The following HMGB1 variants were observed in gnomAD, a reference collection of about 807,000 sequenced individuals.
HMGB1 encodes the protein high mobility group protein B1.
For missense variants in HMGB1, 79 were observed against 253.5 expected, an observed-to-expected ratio of 0.31 and a Z score of 4.67; for synonymous variants, 81 against 84.0, an observed-to-expected ratio of 0.96 and a Z score of 0.19.
intron 1 of HMGB1, among the ~76,000 whole-genome samples, chr13:30,509,660 C>T (rs74046053): frequency 0.095 from 14,512 of 152,130 alleles, 991 homozygotes; most frequent in East Asian, 0.18. Context: ...GAGTGCAAAA[C>T]TTTGGTTTTT....
At chr13:30,574,759 G>A (rs1198510269) in intron 1 of HMGB1, among the ~76,000 whole-genome samples, 1 of 152,126 alleles carries the variant, frequency 6.6e-6, no homozygotes, top group Non-Finnish European at 1.5e-5. Flanking sequence ...TTTTGTAGAG[G>A]GCTGTCCTTA....
chr13:30,519,980 C>T (rs1367338708), intron 1 of HMGB1, among the ~76,000 whole-genome samples: 1 of 152,152 alleles, frequency 6.6e-6, no homozygotes, highest in Admixed American at 6.5e-5. Context: ...CTTTTGCATA[C>T]ATAAAAAGGA....
intron 1 of HMGB1, among the ~76,000 whole-genome samples, chr13:30,530,834 C>A (rs1376608072): frequency 1.3e-5 from 2 of 151,990 alleles, no homozygotes; most frequent in Non-Finnish European, 2.9e-5. Flanking sequence ...ATTGCTTGAG[C>A]CCAGGAGTTC....
intron 1 of HMGB1, among the ~76,000 whole-genome samples, chr13:30,588,615 T>G (rs935890649): frequency 6.6e-6 from 1 of 152,136 alleles, no homozygotes; most frequent in African/African-American, 2.4e-5. Flanking sequence ...GCATTAGAAA[T>G]AGAAGATAAA....
At chr13:30,611,393 A>C (rs900470123) in intron 1 of HMGB1, among the ~76,000 whole-genome samples, 2 of 152,020 alleles carry the variant, frequency 1.3e-5, no homozygotes, top group African/African-American at 4.8e-5. Flanking sequence ...CGAACTCCTG[A>C]CCTCGTGATC....
rs556911233 is a variant in HMGB1 at position 30,459,299 on chromosome 13, A to G, written c.*2058T>C. ...AAGAGGGGTTTTGTCCATTTTCTTA[A>G]GATCTGTGGTCAAGAATAAACCCTA... On this transcript the variant is annotated 3_prime_UTR_variant, in exon 5 of 5. Transcript: ENST00000341423. The G allele has an allele frequency of 6.6e-6, 1 of 152,282 alleles. No homozygotes were observed. The highest frequency in any genetic ancestry group is 2.4e-5 in the African/African-American group (1 of 41,568). The allele number at this position is 152,282 out of a possible 1,614,324, so 9.4% of individuals were successfully genotyped here. A position where few individuals can be genotyped will look rare whatever the true frequency, so the allele number is the denominator to read the frequency against.
At position 30,538,490 on chromosome 13, in the gene HMGB1, C is replaced by CTT. The variant is rs1198714617; in HGVS notation, c.-14-74798_-14-74797dup. On this transcript the variant is annotated intron_variant, in intron 1 of 4. Transcript: ENST00000405805. Reference sequence around the variant, plus strand: ...TCTTTCTTTCTTTCTTTCTTTCTTTCTTTCTTTCTTTCTTTCTTTCCTTTC... The same window carrying CTT: ...TCTTTCTTTCTTTCTTTCTTTCTTTCTTTTTCTTTCTTTCTTTCTTTCCTTTC... Among the ~76,000 whole-genome samples the CTT allele has an allele frequency of 3.7e-3, 226 of 60,800 alleles. 3 individuals are homozygous for CTT. Among genetic ancestry groups the CTT allele is most frequent in the African/African-American group, 0.011 (212 of 18,940 alleles). The allele number at this position is 60,800 out of a possible 152,430, so 39.9% of individuals were successfully genotyped here. A position where few individuals can be genotyped will look rare whatever the true frequency, so the allele number is the denominator to read the frequency against.
intron 1 of HMGB1, among the ~76,000 whole-genome samples, chr13:30,544,392 A>G (rs1483768325): frequency 6.6e-6 from 1 of 152,224 alleles, no homozygotes; most frequent in Non-Finnish European, 1.5e-5. Context: ...GGCACCAGAA[A>G]GAACAAGGCA....
Position 30,538,624 on chromosome 13 carries a change from TC to T in HMGB1, c.-14-74931del, listed in dbSNP as rs1223049759. 7.4e-4 allele frequency among the ~76,000 whole-genome samples: 76 copies of T among 103,086 alleles called. 5 individuals carry two copies. Among genetic ancestry groups the T allele is most frequent in the African/African-American group, 5.0e-3 (74 of 14,844 alleles). 67.6% of individuals were successfully genotyped at this position (103,086 alleles called of 152,430 possible). On this transcript the variant is annotated intron_variant, in intron 1 of 4. Transcript: ENST00000405805. ...TTTTCTTTCTTTCTCTTTCTCTCTC[TC>T]TTTCTTTTTCTTTCTTCCTTTCTTT...
At chr13:30,607,341 C>T (rs113091128) in intron 1 of HMGB1, among the ~76,000 whole-genome samples, 5 of 152,142 alleles carry the variant, frequency 3.3e-5, no homozygotes, top group East Asian at 1.9e-4. Context: ...AAGCCTGGTG[C>T]GAAAGGACTG....
chr13:30,536,056 C>T (rs1427237475), intron 1 of HMGB1, among the ~76,000 whole-genome samples: 4 of 151,984 alleles, frequency 2.6e-5, no homozygotes, highest in South Asian at 2.1e-4. Context: ...ATTTTCTTAC[C>T]GTGTACACTA....
At chr13:30,474,759 CT>C (rs549499620) in intron 1 of HMGB1, among the ~76,000 whole-genome samples, 1,558 of 92,822 alleles carry the variant, frequency 0.017, 25 homozygotes, top group African/African-American at 0.061. Flanking sequence ...TCTCTCTCTC[CT>C]TTTTTTTTTT....
intron 1 of HMGB1, among the ~76,000 whole-genome samples, chr13:30,586,977 G>A (rs1871180598): frequency 1.3e-5 from 2 of 151,954 alleles, no homozygotes; most frequent in African/African-American, 2.4e-5. Flanking sequence ...ATAAATTTAT[G>A]AAGAATTCTT....
At chr13:30,464,868 C>T (rs953150394) in intron 1 of HMGB1, 1 of 149,950 alleles carries the variant, frequency 6.7e-6, no homozygotes, top group Admixed American at 6.8e-5. Context: ...GGCGCACACA[C>T]TCGGCCATTA....
chr13:30,504,672 C>G (rs1887810138), intron 1 of HMGB1, among the ~76,000 whole-genome samples: 2 of 152,148 alleles, frequency 1.3e-5, no homozygotes, highest in Admixed American at 6.5e-5. Context: ...GTTCCTTACA[C>G]TAGGATTATC....
intron 1 of HMGB1, among the ~76,000 whole-genome samples, chr13:30,530,356 C>G (rs1454504359): frequency 2.6e-5 from 4 of 152,300 alleles, no homozygotes; most frequent in Admixed American, 2.6e-4. Context: ...TATCTGAAGT[C>G]TGAAACATGT....
intron 1 of HMGB1, among the ~76,000 whole-genome samples, chr13:30,472,698 A>G (rs1326266794): frequency 6.6e-6 from 1 of 152,184 alleles, no homozygotes; most frequent in Non-Finnish European, 1.5e-5. Flanking sequence ...ATCTCTCCCA[A>G]TGCAATGAGT....
Position 30,525,177 on chromosome 13 carries a change from G to A in HMGB1, c.-14-61483C>T, listed in dbSNP as rs145220335. The stretch of plus-strand genomic sequence containing the variant: ...CCTCAGAGAGTAGGTGGAAGAACTG[G>A]ATGATCATTGAAAGCATCTGATCAT... On this transcript the variant is annotated intron_variant, in intron 1 of 4. Transcript: ENST00000405805. Among the ~76,000 whole-genome samples, 307 of 152,294 alleles carry A rather than the reference G, an allele frequency of 2.0e-3. 1 individual carries two copies. The highest frequency in any genetic ancestry group is 6.9e-3 in the African/African-American group (287 of 41,560).
At chr13:30,536,013 T>C (rs1198105704) in intron 1 of HMGB1, among the ~76,000 whole-genome samples, 1 of 152,248 alleles carries the variant, frequency 6.6e-6, no homozygotes, top group Non-Finnish European at 1.5e-5. Flanking sequence ...ACCAATAACG[T>C]AATTCAGAAA....
Sources: gnomAD v4.1 joint callset for allele counts (sites outside exome capture counted in the v4.1 genomes callset) on GRCh38, gnomAD v4.1.1 for gene constraint, MANE v1.5 for transcripts, NCBI Gene and HGNC (gene_info 2026-07-23, HGNC 2026-07-21) for gene names.